Variants in KMT2C observed in about 807,000 individuals in gnomAD.
KMT2C encodes the protein lysine methyltransferase 2C, also known as histone-lysine N-methyltransferase 2C.
A neutral mutation model predicts 507.9 loss-of-function variants in KMT2C; 88 were observed. The observed-to-expected ratio is 0.17, with a 90% CI of 0.15 to 0.21. KMT2C has a LOEUF of 0.21. KMT2C is among the 10% of genes least tolerant of loss of function. The pLI is 1.00. For synonymous variants in KMT2C, 2,049 were observed against 2,080.8 expected (o/e 0.98, Z 0.42); for missense variants, 4,954 against 5,957.8 (o/e 0.83, Z 5.55).
Position 152,162,846 on chromosome 7 carries a change from G to T in KMT2C, c.10731C>A (p.Thr3577=). 6.2e-7 allele frequency: 1 copy of T among 1,614,144 alleles called. No individual in the cohort carries two copies. The highest frequency in any genetic ancestry group is 1.1e-5 in the South Asian group (1 of 91,074). ...SLPCGQDSTI[T]HGHSYPGSTQ... ...TTGATCCCGGATAACTGTGTCCATGGGTTATAGTAGAATCTTGGCCACATG... is the reference window on the plus strand; with the variant it reads ...TTGATCCCGGATAACTGTGTCCATGTGTTATAGTAGAATCTTGGCCACATG... The change falls in exon 43 of 59, where the codon ACC becomes ACA. Residue 3577 remains threonine (T), a synonymous_variant. Transcript: ENST00000262189.
In KMT2C at chr7:152,311,790, G is replaced by A. The variant is rs1176288167; in HGVS notation, c.739+8C>T. 2 of 1,594,490 alleles carry A rather than the reference G, an allele frequency of 1.3e-6. No individual in the cohort carries two copies. The highest frequency in any genetic ancestry group is 1.1e-5 in the South Asian group (1 of 88,548). On this transcript the variant is annotated splice_region_variant and intron_variant, in intron 5 of 58. Coordinates refer to ENST00000262189, the MANE Select transcript of KMT2C (RefSeq NM_170606.3). ...AAGAGGCAGTCATTATTGAAAACAT[G>A]CCCATACCTGTAGAATCAAATAAGG...
intron 16 of KMT2C, among the ~76,000 whole-genome samples, chr7:152,231,982 GC>G (rs924373247): frequency 5.3e-5 from 8 of 150,642 alleles, no homozygotes; most frequent in Non-Finnish European, 8.9e-5. Flanking sequence ...CAGGTTCACG[GC>G]ATTCTCCTGC....
chr7:152,374,052 C>T (rs569092791), intron 1 of KMT2C, among the ~76,000 whole-genome samples: 2 of 152,182 alleles, frequency 1.3e-5, no homozygotes, highest in South Asian at 4.2e-4. Flanking sequence ...GTAGCTCAAG[C>T]CTATAATCCC....
intron 2 of KMT2C, among the ~76,000 whole-genome samples, chr7:152,347,424 G>A (rs908530529): frequency 5.3e-5 from 8 of 152,142 alleles, no homozygotes; most frequent in Admixed American, 6.5e-5. Flanking sequence ...CATGAGAAGC[G>A]CCAGATCACT....
chr7:152,153,564 A>G (rs760482848), intron 48 of KMT2C, among the ~76,000 whole-genome samples: 3 of 152,158 alleles, frequency 2.0e-5, no homozygotes, highest in Non-Finnish European at 4.4e-5. Context: ...TAACAGTTAC[A>G]AAGAAGTTTT....
chr7:152,370,892 G>A (rs1273279145), intron 1 of KMT2C, among the ~76,000 whole-genome samples: 1 of 152,166 alleles, frequency 6.6e-6, no homozygotes, highest in Non-Finnish European at 1.5e-5. Context: ...GATATCAGCA[G>A]TTACAACAGA....
intron 31 of KMT2C, among the ~76,000 whole-genome samples, chr7:152,192,045 AAAAAAG>A (rs975337916): frequency 4.6e-5 from 7 of 151,992 alleles, no homozygotes; most frequent in African/African-American, 1.7e-4. Context: ...AAGAAAAAAA[AAAAAAG>A]AAAAAGAAGT....
chr7:152,186,267 G>A (rs1588043010), intron 33 of KMT2C, among the ~76,000 whole-genome samples: 1 of 152,298 alleles, frequency 6.6e-6, no homozygotes, highest in South Asian at 2.1e-4. Flanking sequence ...AGTATTTCAT[G>A]AGGTTCTTGA....
chr7:152,408,978 T>C (rs2097652109), intron 1 of KMT2C, among the ~76,000 whole-genome samples: 1 of 152,040 alleles, frequency 6.6e-6, no homozygotes, highest in African/African-American at 2.4e-5. Flanking sequence ...TTCATCAAAC[T>C]GGGTGGGTTT....
At chr7:152,221,331 C>G (rs185212901) in intron 22 of KMT2C, among the ~76,000 whole-genome samples, 1 of 152,306 alleles carries the variant, frequency 6.6e-6, no homozygotes, top group East Asian at 1.9e-4. Context: ...AAATGCAATG[C>G]TCAGCTAATC....
intron 14 of KMT2C, among the ~76,000 whole-genome samples, chr7:152,244,349 T>C (rs1161164724): frequency 6.6e-6 from 1 of 152,030 alleles, no homozygotes; most frequent in African/African-American, 2.4e-5. Flanking sequence ...ATCACTTTCT[T>C]AAACCCAGGT....
chr7:152,205,081 ATTTT>A (rs745762263), intron 25 of KMT2C, 21 bp downstream of exon 25: 2 of 1,473,690 alleles, frequency 1.4e-6, no homozygotes, highest in African/African-American at 1.4e-5. Context: ...TAAAAAAAAA[ATTTT>A]TTTTTAAGTC....
At chr7:152,192,930 T>C (rs912683695) in intron 31 of KMT2C, among the ~76,000 whole-genome samples, 24 of 152,176 alleles carry the variant, frequency 1.6e-4, no homozygotes, top group Admixed American at 1.1e-3. Flanking sequence ...TCCCAGCACT[T>C]TGGGAGGCCA....
intron 18 of KMT2C, among the ~76,000 whole-genome samples, chr7:152,225,635 A>G (rs1335092953): frequency 6.6e-6 from 1 of 152,184 alleles, no homozygotes; most frequent in Non-Finnish European, 1.5e-5. Flanking sequence ...GATGTATTAT[A>G]AAGAATAGGA....
chr7:152,249,673 C>CCAAAAAA (rs2095531533), intron 13 of KMT2C, among the ~76,000 whole-genome samples: 1 of 34,496 alleles, frequency 2.9e-5, no homozygotes, highest in African/African-American at 6.7e-5. Flanking sequence ...CTCCCCCCTC[C>CCAAAAAA]AAAAAAAAAA....
intron 1 of KMT2C, chr7:152,367,742 C>A (rs963921009): frequency 3.6e-6 from 4 of 1,113,940 alleles, no homozygotes; most frequent in Non-Finnish European, 5.5e-6. Flanking sequence ...AGCCTCTTAT[C>A]GATTACATTG....
rs1264492230 is a variant in KMT2C at position 152,264,659 on chromosome 7, C to T, written c.1184+379G>A. 3.9e-5 allele frequency among the ~76,000 whole-genome samples: 6 copies of T among 152,014 alleles called. No individual in the cohort carries two copies. In the East Asian group the frequency reaches 1.2e-3, roughly 29 times the overall value. On this transcript the variant is annotated intron_variant, in intron 8 of 58. Coordinates refer to ENST00000262189, the MANE Select transcript of KMT2C (RefSeq NM_170606.3). ...TTTAAATCCTATTAAATCTCCTCCCCAGTACCCCTTAAGAAAAACTACTTT... is the reference window on the plus strand; with the variant it reads ...TTTAAATCCTATTAAATCTCCTCCCTAGTACCCCTTAAGAAAAACTACTTT...
rs2129129535 is a variant in KMT2C at position 152,194,422 on chromosome 7, G to A, written c.4507+18C>T. 1 of 1,611,380 alleles carries A rather than the reference G, an allele frequency of 6.2e-7. No homozygotes were observed. ...CTCAGGTCTTTTAGAAAGCCTAGAT[G>A]TAGGGCAAATATTTTACCATCTGTG... is the stretch of plus-strand genomic sequence containing the variant. On this transcript the variant is annotated intron_variant, in intron 29 of 58. Transcript: ENST00000262189.
At chr7:152,417,855 G>A (rs1029394164) in intron 1 of KMT2C, among the ~76,000 whole-genome samples, 1 of 151,054 alleles carries the variant, frequency 6.6e-6, no homozygotes, top group Non-Finnish European at 1.5e-5. Context: ...CGTTAGCCAG[G>A]ATGGTCTCAA....
Sources: allele counts gnomAD v4.1 joint callset (sites outside exome capture counted in the v4.1 genomes callset), GRCh38; gene constraint gnomAD v4.1.1; transcripts MANE v1.5; gene names NCBI Gene and HGNC (gene_info 2026-07-23, HGNC 2026-07-21).